The following RSRC1 variants were observed in gnomAD, a reference collection of about 807,000 sequenced individuals.
RSRC1 encodes the protein serine/Arginine-related protein 53.
Under a neutral mutation model 49.1 loss-of-function variants are expected in RSRC1, and 39 were observed. The observed-to-expected ratio is 0.79, with a 90% confidence interval of 0.61 to 1.04. The LOEUF is 1.04. Ranked by LOEUF, RSRC1 falls within the 50% of genes least tolerant of loss-of-function variation. The pLI, the probability that RSRC1 is intolerant of heterozygous loss-of-function variation, is 0.00. For synonymous variants in RSRC1, 143 were observed against 130.8 expected, an observed-to-expected ratio of 1.09 and a Z score of -0.63; for missense variants, 388 against 402.4, an observed-to-expected ratio of 0.96 and a Z score of 0.31.
At chr3:158,341,492 T>C (rs1278842282) in intron 5 of RSRC1, among the ~76,000 whole-genome samples, 2 of 152,154 alleles carry the variant, frequency 1.3e-5, no homozygotes, top group Non-Finnish European at 2.9e-5. Context: ...CCAGGTGTTA[T>C]TAAGCCTGCA....
At chr3:158,333,072 C>T (rs1160693856) in intron 5 of RSRC1, among the ~76,000 whole-genome samples, 1 of 151,850 alleles carries the variant, frequency 6.6e-6, no homozygotes, top group Non-Finnish European at 1.5e-5. Flanking sequence ...GGGTTCACGC[C>T]ATTCGCCTGC....
intron 5 of RSRC1, among the ~76,000 whole-genome samples, chr3:158,338,337 T>C (rs1321278381): frequency 6.6e-6 from 1 of 152,236 alleles, no homozygotes; most frequent in African/African-American, 2.4e-5. Flanking sequence ...TGGTTTTTAT[T>C]TAAACCAACT....
intron 3 of RSRC1, among the ~76,000 whole-genome samples, chr3:158,158,938 CAAAA>C (rs11340589): frequency 4.2e-5 from 5 of 119,366 alleles, no homozygotes; most frequent in Non-Finnish European, 5.4e-5. Context: ...GACTCTGTCT[CAAAA>C]AAAAAAAAAA....
At chr3:158,262,111 G>A (rs1349552730) in intron 4 of RSRC1, among the ~76,000 whole-genome samples, 2 of 151,964 alleles carry the variant, frequency 1.3e-5, no homozygotes, top group African/African-American at 4.8e-5. Flanking sequence ...TTTATTAGTA[G>A]TTTTTGAGTT....
At chr3:158,335,200 T>G (rs1729814997) in intron 5 of RSRC1, among the ~76,000 whole-genome samples, 1 of 152,104 alleles carries the variant, frequency 6.6e-6, no homozygotes, top group Non-Finnish European at 1.5e-5. Flanking sequence ...TTTTGAATAT[T>G]CTGTAGATTG....
intron 6 of RSRC1, among the ~76,000 whole-genome samples, chr3:158,381,740 C>A (rs1462616117): frequency 1.3e-5 from 2 of 151,972 alleles, no homozygotes; most frequent in African/African-American, 4.8e-5. Context: ...CTAAACATAT[C>A]TAAACATAGA....
chr3:158,454,149 T>A (rs1217647634), intron 6 of RSRC1, among the ~76,000 whole-genome samples: 1 of 152,118 alleles, frequency 6.6e-6, no homozygotes, highest in Non-Finnish European at 1.5e-5. Flanking sequence ...CTATTTATAT[T>A]ATGTCTTTGA....
intron 4 of RSRC1, among the ~76,000 whole-genome samples, chr3:158,244,698 T>C (rs1318053444): frequency 6.6e-6 from 1 of 152,180 alleles, no homozygotes; most frequent in Non-Finnish European, 1.5e-5. Context: ...TAAGTAGGAA[T>C]GGTACCAGCT....
intron 5 of RSRC1, among the ~76,000 whole-genome samples, chr3:158,310,487 C>T (rs191157601): frequency 1.4e-4 from 21 of 151,658 alleles, no homozygotes; most frequent in African/African-American, 3.1e-4. Flanking sequence ...TTTGGTTTTT[C>T]GCAGGAACGA....
rs1713198994 is a variant in RSRC1, at chr3:158,544,205, C to T, written c.935C>T (p.Ala312Val). The change falls in exon 10 of 10, where the codon GCT (alanine) becomes GTT (valine). Residue 312 changes from alanine to valine, a missense_variant. Coordinates refer to ENST00000611884, the MANE Select transcript of RSRC1 (RefSeq NM_001271838.2). The part of the protein sequence containing the change: ...HPNLFIEKAD[A>V]EEKWFKRLIA... The stretch of plus-strand genomic sequence containing the variant: ...CAGTTATTTATCGAGAAAGCTGATG[C>T]TGAGGAAAAATGGTTCAAGAGATTA... The T allele has an allele frequency of 6.2e-7, 1 of 1,611,888 alleles. No homozygotes were observed. The highest frequency in any genetic ancestry group is 1.3e-5 in the African/African-American group (1 of 74,896).
intron 3 of RSRC1, among the ~76,000 whole-genome samples, chr3:158,148,141 G>A (rs1202436092): frequency 5.3e-5 from 8 of 152,082 alleles, no homozygotes. Context: ...ATAAACCCCA[G>A]GAACTTTTTT....
chr3:158,272,419 A>T (rs1725571714), intron 4 of RSRC1, among the ~76,000 whole-genome samples: 1 of 152,118 alleles, frequency 6.6e-6, no homozygotes, highest in Non-Finnish European at 1.5e-5. Context: ...TTATATTCTG[A>T]TATGACAGAT....
chr3:158,467,917 T>G (rs1737958166), intron 7 of RSRC1, among the ~76,000 whole-genome samples: 1 of 152,222 alleles, frequency 6.6e-6, no homozygotes, highest in Non-Finnish European at 1.5e-5. Context: ...TTGATCATAT[T>G]ATTACTATTA....
intron 3 of RSRC1, among the ~76,000 whole-genome samples, chr3:158,167,957 C>G (rs1718636376): frequency 6.6e-6 from 1 of 152,172 alleles, no homozygotes; most frequent in South Asian, 2.1e-4. Flanking sequence ...GCGAGACATT[C>G]TAGCCAAGTT....
At chr3:158,465,277 C>T (rs1737827988) in intron 7 of RSRC1, among the ~76,000 whole-genome samples, 2 of 152,152 alleles carry the variant, frequency 1.3e-5, no homozygotes, top group Admixed American at 1.3e-4. Flanking sequence ...AGAGCCAAAC[C>T]TAAGCATCTA....
intron 6 of RSRC1, among the ~76,000 whole-genome samples, chr3:158,404,268 T>C (rs1171813075): frequency 2.6e-5 from 4 of 151,912 alleles, no homozygotes; most frequent in African/African-American, 9.7e-5. Context: ...GATCCTAACT[T>C]AGAGCACATT....
At chr3:158,521,180 G>A (rs539397809) in intron 7 of RSRC1, among the ~76,000 whole-genome samples, 7 of 152,142 alleles carry the variant, frequency 4.6e-5, no homozygotes, top group Non-Finnish European at 1.0e-4. Flanking sequence ...ATTAAAATAA[G>A]TGAAATATTA....
intron 6 of RSRC1, among the ~76,000 whole-genome samples, chr3:158,362,861 A>T (rs1731552796): frequency 6.6e-6 from 1 of 152,218 alleles, no homozygotes; most frequent in South Asian, 2.1e-4. Context: ...GATATTTTTT[A>T]TCAGTATGAG....
chr3:158,180,575 G>C (rs1409250090), intron 3 of RSRC1, among the ~76,000 whole-genome samples: 1 of 151,054 alleles, frequency 6.6e-6, no homozygotes. Flanking sequence ...TGATCCTCCA[G>C]CCTCACTCTC....
Sources: gnomAD v4.1 joint callset for allele counts (sites outside exome capture counted in the v4.1 genomes callset) on GRCh38, gnomAD v4.1.1 for gene constraint, MANE v1.5 for transcripts, NCBI Gene and HGNC (gene_info 2026-07-23, HGNC 2026-07-21) for gene names.